SCAI: variants seen among roughly 807,000 people sequenced by gnomAD.
SCAI encodes suppressor of cancer cell invasion.
Under a neutral mutation model 92.2 loss-of-function variants are expected in SCAI, and 24 were observed. The observed-to-expected ratio is 0.26, with a 90% CI of 0.19 to 0.37. SCAI has a LOEUF of 0.37. Among genes scored for constraint, SCAI ranks in the 10% least tolerant of loss-of-function variants. SCAI has a pLI of 1.00. For synonymous variants in SCAI, 261 were observed against 258.6 expected, an observed-to-expected ratio of 1.01 and a Z score of -0.09; for missense variants, 450 against 736.2, an observed-to-expected ratio of 0.61 and a Z score of 4.50.
chr9:125,054,498 C>A (rs1833624962), intron 3 of SCAI, among the ~76,000 whole-genome samples: 1 of 148,958 alleles, frequency 6.7e-6, no homozygotes. Context: ...ATACTGGGTG[C>A]CAATTAAATG....
intron 9 of SCAI, among the ~76,000 whole-genome samples, chr9:125,016,423 A>AAATAAATAAATAAATG (rs1832761726): frequency 6.6e-6 from 1 of 150,560 alleles, no homozygotes; most frequent in South Asian, 2.1e-4. Context: ...ATAAATAAAT[A>AAATAAATAAATAAATG]AATGTCAGTT....
chr9:125,061,286 G>C (rs1295307195), intron 2 of SCAI, among the ~76,000 whole-genome samples: 1 of 151,480 alleles, frequency 6.6e-6, no homozygotes, highest in Middle Eastern at 3.2e-3. Context: ...GATACAGCGA[G>C]ACTCCGTCTC....
At position 125,021,692 on chromosome 9, in the gene SCAI, A is replaced by T. The variant is rs1047948068; in HGVS notation, c.513-923T>A. On this transcript the variant is annotated intron_variant, in intron 6 of 17. Coordinates refer to ENST00000336505, the MANE Select transcript of SCAI (RefSeq NM_001144877.3). ...TGTATTTTTTGTGTGTATGTTCAAC[A>T]TTTTCCATAATAAAATTTTTAAAAA... 6.6e-5 allele frequency among the ~76,000 whole-genome samples: 10 copies of T among 152,250 alleles called. No individual in the cohort carries two copies. In the Middle Eastern group the frequency reaches 0.01, roughly 155 times the overall value.
intron 9 of SCAI, among the ~76,000 whole-genome samples, chr9:125,011,082 A>C (rs1832628470): frequency 6.6e-6 from 1 of 152,222 alleles, no homozygotes; most frequent in Non-Finnish European, 1.5e-5. Flanking sequence ...AAAGATGGGG[A>C]AAAAACAGAG....
At chr9:125,133,245 C>A (rs1268763780) in intron 2 of SCAI, among the ~76,000 whole-genome samples, 1 of 151,852 alleles carries the variant, frequency 6.6e-6, no homozygotes, top group African/African-American at 2.4e-5. Context: ...CAAAAATTCA[C>A]CGGGTGTGGT....
intron 9 of SCAI, among the ~76,000 whole-genome samples, chr9:125,018,228 G>T (rs1832801943): frequency 6.6e-6 from 1 of 151,854 alleles, no homozygotes; most frequent in Admixed American, 6.6e-5. Context: ...CTGAGTAGCT[G>T]GGATTACAGG....
intron 14 of SCAI, among the ~76,000 whole-genome samples, chr9:124,981,925 G>A (rs868553806): frequency 2.6e-5 from 4 of 152,138 alleles, no homozygotes; most frequent in African/African-American, 9.7e-5. Context: ...GATTACAGAC[G>A]TGAGATACTG....
chr9:125,072,334 G>C (rs899422526), intron 2 of SCAI, among the ~76,000 whole-genome samples: 1 of 152,072 alleles, frequency 6.6e-6, no homozygotes, highest in Admixed American at 6.6e-5. Context: ...GCTGAGAAAA[G>C]ATATAGTTAC....
chr9:125,116,756 C>G (rs1035833758), intron 2 of SCAI, among the ~76,000 whole-genome samples: 1 of 152,006 alleles, frequency 6.6e-6, no homozygotes, highest in Non-Finnish European at 1.5e-5. Context: ...CCTGACCTAT[C>G]TAGATGCTTT....
Position 125,004,763 on chromosome 9 carries a change from A to T in SCAI, c.862-1193T>A, listed in dbSNP as rs1195869512. Reference sequence around the variant, plus strand: ...TATATATATATATATATATATATATATATATATATATATATATTTTTTTTT... The same window carrying T: ...TATATATATATATATATATATATATTTATATATATATATATATTTTTTTTT... On this transcript the variant is annotated intron_variant, in intron 9 of 17. Coordinates refer to ENST00000336505, the MANE Select transcript of SCAI (RefSeq NM_001144877.3). Among the ~76,000 whole-genome samples, 29 of 7,674 alleles carry T rather than the reference A, an allele frequency of 3.8e-3. 1 individual carries two copies. The highest frequency in any genetic ancestry group is 0.016 in the South Asian group (3 of 184). The allele number at this position is 7,674 out of a possible 152,430, so 5.0% of individuals were successfully genotyped here.
intron 14 of SCAI, among the ~76,000 whole-genome samples, chr9:124,984,764 T>C (rs1831954788): frequency 6.6e-6 from 1 of 152,044 alleles, no homozygotes; most frequent in African/African-American, 2.4e-5. Context: ...AATATTCAAG[T>C]TGAGTTTGAG....
intron 9 of SCAI, among the ~76,000 whole-genome samples, chr9:125,011,286 A>G (rs545018227): frequency 5.9e-5 from 9 of 152,336 alleles, no homozygotes; most frequent in African/African-American, 2.2e-4. Flanking sequence ...AAACTTTGAA[A>G]AAAATTTAGA....
intron 3 of SCAI, among the ~76,000 whole-genome samples, chr9:125,048,267 T>C (rs1214566349): frequency 1.3e-5 from 2 of 151,938 alleles, no homozygotes; most frequent in African/African-American, 2.4e-5. Flanking sequence ...CAAGAGCCAC[T>C]ATGCCCAGCC....
At chr9:125,020,059 C>T (rs1013663404) in intron 7 of SCAI, among the ~76,000 whole-genome samples, 5 of 132,696 alleles carry the variant, frequency 3.8e-5, no homozygotes, top group South Asian at 2.5e-4. Context: ...GATGACAGAG[C>T]GAGACCTTGT....
chr9:124,972,548 T>C lies in SCAI; in HGVS notation c.1400-704A>G, dbSNP rs148206633. On this transcript the variant is annotated intron_variant, in intron 15 of 17. Coordinates refer to ENST00000336505, the MANE Select transcript of SCAI (RefSeq NM_001144877.3). ...CTGTTTCTTTTTACTGTTTTTGATA[T>C]AGGTAATAGAAAATTTAATGACTCA... is the stretch of plus-strand genomic sequence containing the variant. Among the ~76,000 whole-genome samples, 470 of 152,312 alleles carry C rather than the reference T, an allele frequency of 3.1e-3. 2 individuals are homozygous for C. Among genetic ancestry groups the C allele is most frequent in the Non-Finnish European group, 4.3e-3 (292 of 68,034 alleles).
intron 2 of SCAI, among the ~76,000 whole-genome samples, chr9:125,102,530 G>C (rs1564413940): frequency 6.6e-6 from 1 of 151,832 alleles, no homozygotes; most frequent in Admixed American, 6.6e-5. Flanking sequence ...TCCCTGCCCA[G>C]TAAGTTTAAC....
intron 2 of SCAI, among the ~76,000 whole-genome samples, chr9:125,111,462 T>C (rs1406055829): frequency 6.6e-6 from 1 of 152,106 alleles, no homozygotes; most frequent in Non-Finnish European, 1.5e-5. Flanking sequence ...GTCCAACCCA[T>C]GGCCCATGAA....
At chr9:125,016,180 TAA>T (rs60713057) in intron 9 of SCAI, among the ~76,000 whole-genome samples, 91,472 of 146,342 alleles carry the variant, frequency 0.63, 28,787 homozygotes, top group African/African-American at 0.66. Context: ...TAAAGTATAA[TAA>T]AATAAAATAA....
chr9:125,123,947 C>T (rs1835210931), intron 2 of SCAI, among the ~76,000 whole-genome samples: 3 of 152,202 alleles, frequency 2.0e-5, no homozygotes. Flanking sequence ...GGAGAGAGAA[C>T]TTAGGAGAAA....
Sources: allele counts gnomAD v4.1 joint callset (sites outside exome capture counted in the v4.1 genomes callset), GRCh38; gene constraint gnomAD v4.1.1; transcripts MANE v1.5; gene names NCBI Gene and HGNC (gene_info 2026-07-23, HGNC 2026-07-21).